UVRAG: variants seen among roughly 807,000 people sequenced by gnomAD.
The protein encoded by UVRAG is UV radiation resistance-associated gene protein.
In UVRAG, 19 loss-of-function variants were observed where a neutral mutation model predicts 78.0. The ratio of observed to expected loss-of-function variants is 0.24; its 90% CI spans 0.17 to 0.36. The LOEUF (loss-of-function observed/expected upper bound fraction) is 0.36. Among genes scored for constraint, UVRAG ranks in the 10% least tolerant of loss-of-function variants. The probability of loss-of-function intolerance (pLI) is 1.00; values close to 1 mark genes in which losing one functional copy is unlikely to be tolerated. For missense variants in UVRAG, 740 were observed against 853.8 expected, an observed-to-expected ratio of 0.87 and a Z score of 1.66; for synonymous variants, 323 against 324.6, an observed-to-expected ratio of 1.00 and a Z score of 0.05.
At chr11:75,998,980 G>A (rs917475316) in intron 8 of UVRAG, among the ~76,000 whole-genome samples, 2 of 152,122 alleles carry the variant, frequency 1.3e-5, no homozygotes, top group African/African-American at 4.8e-5. Context: ...AAGAAGGAGG[G>A]AGGAAGGGAA....
At chr11:76,121,109 T>C (rs1023974216) in intron 14 of UVRAG, among the ~76,000 whole-genome samples, 4 of 152,218 alleles carry the variant, frequency 2.6e-5, no homozygotes, top group Admixed American at 2.6e-4. Context: ...TTTTGTTTTA[T>C]TTTGTAAAGA....
intron 12 of UVRAG, among the ~76,000 whole-genome samples, chr11:76,050,105 C>T (rs541186747): frequency 6.6e-5 from 10 of 152,344 alleles, no homozygotes; most frequent in Admixed American, 5.9e-4. Context: ...TCAGTACTCA[C>T]TGGCGTTTGC....
intron 7 of UVRAG, among the ~76,000 whole-genome samples, chr11:75,981,319 C>A (rs1010665095): frequency 3.2e-4 from 49 of 152,044 alleles, no homozygotes; most frequent in African/African-American, 1.1e-3. Flanking sequence ...ACTATGTTGG[C>A]CAGGCTGGTC....
At chr11:75,911,386 C>A in intron 5 of UVRAG, 1 of 159,122 alleles carries the variant, frequency 6.3e-6, no homozygotes, top group South Asian at 1.7e-4. Flanking sequence ...TTTCCTGGGT[C>A]CCTGTGCTCT....
At chr11:76,001,434 G>A (rs940001981) in intron 8 of UVRAG, among the ~76,000 whole-genome samples, 5 of 152,088 alleles carry the variant, frequency 3.3e-5, no homozygotes, top group South Asian at 2.1e-4. Context: ...AAGTCAAATC[G>A]AAGGAAGGAA....
At position 75,853,083 on chromosome 11, in the gene UVRAG, A is replaced by G. The variant is rs373561410; in HGVS notation, c.235+1083A>G. The stretch of plus-strand genomic sequence containing the variant: ...GAGACGCCACTCCAGGCTAACTTTG[A>G]AAAAATTTTTGTAGAAATGGGGTCC... On this transcript the variant is annotated intron_variant, in intron 2 of 14. Coordinates refer to ENST00000356136, the MANE Select transcript of UVRAG (RefSeq NM_003369.4). Among the ~76,000 whole-genome samples the G allele has an allele frequency of 1.4e-3, 214 of 151,986 alleles. 4 individuals are homozygous for G. Among genetic ancestry groups the G allele is most frequent in the African/African-American group, 4.8e-3 (199 of 41,446 alleles).
At chr11:75,922,955 AAACG>A (rs1948008666) in intron 6 of UVRAG, among the ~76,000 whole-genome samples, 1 of 148,214 alleles carries the variant, frequency 6.7e-6, no homozygotes, top group Non-Finnish European at 1.5e-5. Flanking sequence ...AAAAAAAGAA[AAACG>A]AACATATATA....
At chr11:76,020,991 T>G (rs1224894499) in intron 12 of UVRAG, among the ~76,000 whole-genome samples, 1 of 152,164 alleles carries the variant, frequency 6.6e-6, no homozygotes, top group East Asian at 1.9e-4. Flanking sequence ...TTTCCCACTG[T>G]GACAGAGCAG....
chr11:75,919,355 A>C (rs960144307), intron 6 of UVRAG, among the ~76,000 whole-genome samples: 3 of 152,198 alleles, frequency 2.0e-5, no homozygotes, highest in African/African-American at 7.2e-5. Flanking sequence ...TTCTTTTCTT[A>C]ATAGAGACTA....
intron 11 of UVRAG, among the ~76,000 whole-genome samples, chr11:76,015,013 T>C (rs139089982): frequency 1.3e-5 from 2 of 152,300 alleles, no homozygotes; most frequent in African/African-American, 4.8e-5. Context: ...AAATTACTGC[T>C]GTTTGATTTT....
intron 1 of UVRAG, among the ~76,000 whole-genome samples, chr11:75,837,318 C>A (rs1945804486): frequency 7.6e-6 from 1 of 130,846 alleles, no homozygotes; most frequent in Non-Finnish European, 1.5e-5. Context: ...CAGAGTGAGA[C>A]TCTGTCTCAA....
At chr11:76,120,791 C>T (rs1412112631) in intron 14 of UVRAG, among the ~76,000 whole-genome samples, 3 of 152,222 alleles carry the variant, frequency 2.0e-5, no homozygotes, top group African/African-American at 7.2e-5. Flanking sequence ...AAAGCCGGAG[C>T]AAGCACTTTG....
Position 75,946,758 on chromosome 11 carries a change from G to A in UVRAG, c.594-14686G>A, listed in dbSNP as rs534138786. 4.6e-5 allele frequency among the ~76,000 whole-genome samples: 7 copies of A among 152,258 alleles called. No individual in the cohort carries two copies. The East Asian group carries it at 1.4e-3, about 29-fold the overall frequency. On this transcript the variant is annotated intron_variant, in intron 6 of 14. Coordinates refer to ENST00000356136, the MANE Select transcript of UVRAG (RefSeq NM_003369.4). ...TCTTGCCATGTGGCCCACTTTATAG[G>A]CCCTCTCATGCTTCAAATCTCTTCT...
chr11:75,885,289 C>T (rs962749059), intron 4 of UVRAG, among the ~76,000 whole-genome samples: 6 of 151,904 alleles, frequency 3.9e-5, no homozygotes, highest in South Asian at 2.1e-4. Flanking sequence ...TCCTAACTTG[C>T]GTGTTATGGA....
chr11:75,837,795 C>T (rs1465150754), intron 1 of UVRAG: 2 of 152,140 alleles, frequency 1.3e-5, no homozygotes, highest in Non-Finnish European at 2.9e-5. Flanking sequence ...ATAATTCTCT[C>T]CTATATATTC....
intron 12 of UVRAG, among the ~76,000 whole-genome samples, chr11:76,029,359 A>G (rs1950392871): frequency 6.6e-6 from 1 of 152,192 alleles, no homozygotes; most frequent in Non-Finnish European, 1.5e-5. Context: ...TATTTAAGAA[A>G]CACATTTCAT....
At chr11:75,849,073 G>A (rs2134730910) in intron 1 of UVRAG, among the ~76,000 whole-genome samples, 1 of 152,314 alleles carries the variant, frequency 6.6e-6, no homozygotes, top group South Asian at 2.1e-4. Flanking sequence ...AGCTACTTGG[G>A]AGCGTGAGAC....
intron 4 of UVRAG, among the ~76,000 whole-genome samples, chr11:75,882,441 A>AG (rs1252821294): frequency 6.6e-6 from 1 of 151,664 alleles, no homozygotes; most frequent in Non-Finnish European, 1.5e-5. Flanking sequence ...TGAACCGGGG[A>AG]GGTGGAGGTT....
rs1373304846 is a variant in UVRAG at position 75,834,445 on chromosome 11, AT to A, written c.118-17433del. The stretch of plus-strand genomic sequence containing the variant: ...GGTCACCCGGTCAAGGTGTCGTCTG[AT>A]TTTTCAACTCTAATTCTTTGTGTGT... On this transcript the variant is annotated intron_variant, in intron 1 of 14. Transcript: ENST00000356136. 2.0e-5 allele frequency among the ~76,000 whole-genome samples: 3 copies of A among 151,978 alleles called. No individual in the cohort carries two copies. The East Asian group carries it at 5.8e-4, about 29-fold the overall frequency.
Sources: gnomAD v4.1 joint callset for allele counts (sites outside exome capture counted in the v4.1 genomes callset) on GRCh38, gnomAD v4.1.1 for gene constraint, MANE v1.5 for transcripts, NCBI Gene and HGNC (gene_info 2026-07-23, HGNC 2026-07-21) for gene names.